FAM163A: variants seen among roughly 807,000 people sequenced by gnomAD.
FAM163A encodes protein FAM163A.
FAM163A carries 7 observed loss-of-function variants against 12.0 expected under a neutral mutation model. That is an observed-to-expected ratio of 0.58 (90% CI 0.33 to 1.10). The LOEUF is 1.10. FAM163A is among the 50% of genes least tolerant of loss of function. The probability of loss-of-function intolerance (pLI) is 0.03; values close to 1 mark genes in which losing one functional copy is unlikely to be tolerated. For missense variants in FAM163A, 202 were observed against 218.6 expected (o/e 0.92, Z 0.48); for synonymous variants, 101 against 91.0 (o/e 1.11, Z -0.62).
chr1:179,734,084 T>C, the FAM163A span, among the ~76,000 whole-genome samples: 1 of 152,228 alleles, frequency 6.6e-6, no homozygotes, highest in Non-Finnish European at 1.5e-5. Flanking sequence ...GAATAAATAT[T>C]GACACCAAGT....
intron 1 of FAM163A, among the ~76,000 whole-genome samples, chr1:179,789,791 A>G (rs545342860): frequency 6.6e-6 from 1 of 152,300 alleles, no homozygotes; most frequent in Non-Finnish European, 1.5e-5. Context: ...GTCCAGGGTT[A>G]CACAACTAAA....
chr1:179,731,258 G>A, the FAM163A span, among the ~76,000 whole-genome samples: 1 of 152,208 alleles, frequency 6.6e-6, no homozygotes, highest in African/African-American at 2.4e-5. Flanking sequence ...CCTGGGAAGA[G>A]AGAAGGTATA....
intron 1 of FAM163A, among the ~76,000 whole-genome samples, chr1:179,751,808 G>A (rs1206599866): frequency 3.3e-5 from 5 of 152,144 alleles, no homozygotes; most frequent in Non-Finnish European, 7.4e-5. Context: ...AGAAATTAAA[G>A]AAGACATAAA....
intron 1 of FAM163A, among the ~76,000 whole-genome samples, chr1:179,769,974 C>T (rs1369124230): frequency 3.0e-5 from 4 of 134,324 alleles, no homozygotes; most frequent in African/African-American, 5.7e-5. Context: ...GGCGTGATCT[C>T]GGCTCACTGC....
chr1:179,775,198 T>C (rs1490480605), intron 1 of FAM163A, among the ~76,000 whole-genome samples: 1 of 152,146 alleles, frequency 6.6e-6, no homozygotes, highest in Admixed American at 6.5e-5. Context: ...AACGGTCTGA[T>C]TGGTTGCCGA....
intron 1 of FAM163A, among the ~76,000 whole-genome samples, chr1:179,782,769 C>G (rs1383004483): frequency 6.6e-6 from 1 of 152,180 alleles, no homozygotes; most frequent in Non-Finnish European, 1.5e-5. Context: ...GCAACTGTTT[C>G]CTAGAGAAGC....
chr1:179,753,596 A>G (rs1685583719), intron 1 of FAM163A, among the ~76,000 whole-genome samples: 1 of 152,184 alleles, frequency 6.6e-6, no homozygotes, highest in African/African-American at 2.4e-5. Flanking sequence ...TAGGAGAAAG[A>G]GGGACCACTC....
intron 1 of FAM163A, among the ~76,000 whole-genome samples, chr1:179,779,680 A>G (rs1034491107): frequency 1.3e-5 from 2 of 152,240 alleles, no homozygotes; most frequent in Admixed American, 1.3e-4. Flanking sequence ...TTATCGGCTC[A>G]TATGGGCTTT....
At chr1:179,739,546 T>A (rs1401887340), upstream of FAM163A, among the ~76,000 whole-genome samples, 1 of 149,334 alleles carries the variant, frequency 6.7e-6, no homozygotes, top group Non-Finnish European at 1.5e-5. Flanking sequence ...ATTTTTTTTT[T>A]AGCTCATCAG....
At chr1:179,773,334 A>C (rs972473565) in intron 1 of FAM163A, among the ~76,000 whole-genome samples, 3 of 152,132 alleles carry the variant, frequency 2.0e-5, no homozygotes, top group African/African-American at 7.2e-5. Flanking sequence ...CATAGAGCTA[A>C]ATATACACAT....
At chr1:179,771,263 C>T (rs569609378) in intron 1 of FAM163A, among the ~76,000 whole-genome samples, 6 of 150,498 alleles carry the variant, frequency 4.0e-5, no homozygotes, top group Admixed American at 1.3e-4. Flanking sequence ...GCATCCCCTC[C>T]GCTGGCAGCC....
At chr1:179,785,911 A>G (rs1690551853) in intron 1 of FAM163A, among the ~76,000 whole-genome samples, 1 of 152,164 alleles carries the variant, frequency 6.6e-6, no homozygotes, top group African/African-American at 2.4e-5. Flanking sequence ...CCCTTCATAT[A>G]TAATGCTGCA....
the FAM163A span, among the ~76,000 whole-genome samples, chr1:179,736,707 G>A: frequency 2.0e-5 from 3 of 152,126 alleles, no homozygotes; most frequent in African/African-American, 7.2e-5. Flanking sequence ...CTACTTGGGA[G>A]GCTGAGGCAG....
chr1:179,784,655 G>C (rs561803082), intron 1 of FAM163A, among the ~76,000 whole-genome samples: 13 of 152,104 alleles, frequency 8.5e-5, no homozygotes, highest in African/African-American at 3.1e-4. Flanking sequence ...CAAAACCTGC[G>C]CACATGAAGC....
Position 179,791,228 on chromosome 1 carries a change from G to A in FAM163A, c.-135-16570G>A, listed in dbSNP as rs1211545935. Among the ~76,000 whole-genome samples the A allele has an allele frequency of 3.9e-5, 6 of 152,152 alleles. No homozygotes were observed. The East Asian group carries it at 7.7e-4, about 20-fold the overall frequency. On this transcript the variant is annotated intron_variant, in intron 1 of 4. Coordinates refer to ENST00000341785, the MANE Select transcript of FAM163A (RefSeq NM_173509.3). ...CTTCAGTGTCGGCAGTAACACTGCC[G>A]ACTGGGTCTAAGGACCCAGGCACGA...
At chr1:179,748,404 T>A (rs4651050) in intron 1 of FAM163A, among the ~76,000 whole-genome samples, 23,469 of 152,028 alleles carry the variant, frequency 0.15, 2,898 homozygotes, top group East Asian at 0.63. Context: ...TATTAGTTTT[T>A]AAAAAAAATC....
intron 1 of FAM163A, among the ~76,000 whole-genome samples, chr1:179,798,233 A>AGACTCC (rs1692645513): frequency 6.6e-6 from 1 of 152,098 alleles, no homozygotes; most frequent in Non-Finnish European, 1.5e-5. Flanking sequence ...AAAAAAAAAG[A>AGACTCC]ATATAAGGCA....
chr1:179,779,124 ATTAAT>A (rs1689379534), intron 1 of FAM163A, among the ~76,000 whole-genome samples: 1 of 152,338 alleles, frequency 6.6e-6, no homozygotes, highest in South Asian at 2.1e-4. Context: ...ATTAACGGTG[ATTAAT>A]TTGGGTGTTA....
chr1:179,764,819 C>T (rs548574480), intron 1 of FAM163A, among the ~76,000 whole-genome samples: 1 of 152,284 alleles, frequency 6.6e-6, no homozygotes, highest in Admixed American at 6.5e-5. Flanking sequence ...CCTCTCTGTG[C>T]CTCAGTTGCC....
Sources: gnomAD v4.1 joint callset for allele counts (sites outside exome capture counted in the v4.1 genomes callset) on GRCh38, gnomAD v4.1.1 for gene constraint, MANE v1.5 for transcripts, NCBI Gene and HGNC (gene_info 2026-07-23, HGNC 2026-07-21) for gene names.